CERS6: variants seen among roughly 807,000 people sequenced by gnomAD.
CERS6 encodes ceramide synthase 6, also known as LAG1 homolog, ceramide synthase 6.
A neutral mutation model predicts 56.8 loss-of-function variants in CERS6; 26 were observed. The observed-to-expected ratio is 0.46, with a 90% CI of 0.34 to 0.63. The LOEUF (loss-of-function observed/expected upper bound fraction) is 0.63. Among genes scored for constraint, CERS6 ranks in the 30% least tolerant of loss-of-function variants. The pLI is 0.01. For missense variants in CERS6, 415 were observed against 467.5 expected (o/e 0.89, Z 1.04); for synonymous variants, 164 against 173.3 (o/e 0.95, Z 0.42).
chr2:168,512,019 T>G (rs901844383), intron 1 of CERS6, among the ~76,000 whole-genome samples: 5 of 152,052 alleles, frequency 3.3e-5, no homozygotes, highest in African/African-American at 1.2e-4. Flanking sequence ...GGGATTTGAA[T>G]ACATGCTACA....
chr2:168,488,916 C>G (rs879380879), intron 1 of CERS6, among the ~76,000 whole-genome samples: 1 of 152,146 alleles, frequency 6.6e-6, no homozygotes, highest in Non-Finnish European at 1.5e-5. Flanking sequence ...ACCAGTGTTA[C>G]ACATTTTGCT....
At chr2:168,655,352 C>G (rs1685444038) in intron 4 of CERS6, among the ~76,000 whole-genome samples, 1 of 152,256 alleles carries the variant, frequency 6.6e-6, no homozygotes, top group East Asian at 1.9e-4. Flanking sequence ...TTAAACTTCC[C>G]TATGACACAG....
chr2:168,646,480 C>T (rs1685207208), intron 4 of CERS6, among the ~76,000 whole-genome samples: 1 of 152,128 alleles, frequency 6.6e-6, no homozygotes, highest in Non-Finnish European at 1.5e-5. Flanking sequence ...TTCTCCCATT[C>T]TATAGGTTGT....
chr2:168,767,749 T>C (rs1684759045), intron 9 of CERS6, among the ~76,000 whole-genome samples: 1 of 152,204 alleles, frequency 6.6e-6, no homozygotes, highest in African/African-American at 2.4e-5. Context: ...TCCAGGATTC[T>C]CATGTTAGAG....
chr2:168,669,345 T>C (rs890451174), intron 4 of CERS6, among the ~76,000 whole-genome samples: 13 of 152,224 alleles, frequency 8.5e-5, no homozygotes, highest in Middle Eastern at 3.2e-3. Flanking sequence ...ACAGCCTTTA[T>C]GGACATTCCA....
In CERS6 at chr2:168,682,776, C is replaced by G. The variant is rs1287324742; in HGVS notation, c.466-8258C>G. 6.6e-5 allele frequency among the ~76,000 whole-genome samples: 10 copies of G among 152,248 alleles called. No homozygotes were observed. The East Asian group carries it at 1.9e-3, about 29-fold the overall frequency. On this transcript the variant is annotated intron_variant, in intron 4 of 9. Coordinates refer to ENST00000305747, the MANE Select transcript of CERS6 (RefSeq NM_203463.3). The stretch of plus-strand genomic sequence containing the variant: ...TGCTATGTGGTTCTGCAGGGGCTCC[C>G]CATGCAGTTGCCTGCAGCAGTAACC...
chr2:168,487,803 C>T (rs960296256), intron 1 of CERS6, among the ~76,000 whole-genome samples: 5 of 152,156 alleles, frequency 3.3e-5, no homozygotes, highest in Admixed American at 3.3e-4. Context: ...ATCATCCTGC[C>T]TTAAACTCCT....
intron 8 of CERS6, among the ~76,000 whole-genome samples, chr2:168,738,273 A>G: frequency 6.6e-6 from 1 of 152,234 alleles, no homozygotes; most frequent in East Asian, 1.9e-4. Context: ...TGTGACCAAC[A>G]GGAAGAGGTG....
At chr2:168,583,218 T>C (rs906231756) in intron 3 of CERS6, among the ~76,000 whole-genome samples, 2 of 152,212 alleles carry the variant, frequency 1.3e-5, no homozygotes, top group Admixed American at 6.5e-5. Flanking sequence ...GGTGTAGGAA[T>C]AGATAGTGAT....
intron 1 of CERS6, among the ~76,000 whole-genome samples, chr2:168,483,283 A>ATT (rs199864964): frequency 1.4e-4 from 20 of 146,370 alleles, no homozygotes; most frequent in African/African-American, 4.3e-4. Flanking sequence ...TTACATAGCT[A>ATT]TTTTTTTTTT....
intron 3 of CERS6, among the ~76,000 whole-genome samples, chr2:168,564,469 ATAC>A (rs1358878954): frequency 6.6e-6 from 1 of 152,222 alleles, no homozygotes; most frequent in Non-Finnish European, 1.5e-5. Context: ...TTTTTCTAAA[ATAC>A]TACTATCCCC....
intron 2 of CERS6, among the ~76,000 whole-genome samples, chr2:168,554,618 T>C (rs971257164): frequency 6.6e-6 from 1 of 152,150 alleles, no homozygotes; most frequent in African/African-American, 2.4e-5. Flanking sequence ...ATTCAACACC[T>C]TCATCTGGGA....
At chr2:168,723,282 T>TG (rs1683231198) in intron 8 of CERS6, among the ~76,000 whole-genome samples, 1 of 152,180 alleles carries the variant, frequency 6.6e-6, no homozygotes, top group East Asian at 1.9e-4. Context: ...TTGCACACAG[T>TG]GGCCATTATT....
chr2:168,582,456 A>T (rs947373882), intron 3 of CERS6, among the ~76,000 whole-genome samples: 1 of 152,032 alleles, frequency 6.6e-6, no homozygotes, highest in Non-Finnish European at 1.5e-5. Flanking sequence ...TTTTAAGTTG[A>T]GAAGTTTAGT....
intron 1 of CERS6, among the ~76,000 whole-genome samples, chr2:168,484,939 T>C (rs1430036494): frequency 6.6e-6 from 1 of 152,192 alleles, no homozygotes; most frequent in East Asian, 1.9e-4. Context: ...TGTACCTTCT[T>C]TATGAAAATA....
chr2:168,768,296 C>G (rs193228055), intron 9 of CERS6, among the ~76,000 whole-genome samples: 2 of 151,584 alleles, frequency 1.3e-5, no homozygotes, highest in Non-Finnish European at 2.9e-5. Context: ...ATGGCGCGAT[C>G]TTGGCTCACC....
At chr2:168,758,596 A>T (rs544161415) in intron 8 of CERS6, among the ~76,000 whole-genome samples, 29 of 152,284 alleles carry the variant, frequency 1.9e-4, no homozygotes, top group African/African-American at 7.0e-4. Context: ...CGGTAAGATC[A>T]CCTGGGCCAT....
At chr2:168,477,136 C>G (rs1308974342) in intron 1 of CERS6, among the ~76,000 whole-genome samples, 1 of 148,830 alleles carries the variant, frequency 6.7e-6, no homozygotes, top group Non-Finnish European at 1.5e-5. Context: ...TGTATACTCA[C>G]ATGGTAGAGT....
At chr2:168,534,195 C>T (rs1695217474) in intron 1 of CERS6, among the ~76,000 whole-genome samples, 1 of 151,970 alleles carries the variant, frequency 6.6e-6, no homozygotes, top group Non-Finnish European at 1.5e-5. Flanking sequence ...TTTTTTATTA[C>T]CCGTCTTCTG....
Sources: gnomAD v4.1 joint callset for allele counts (sites outside exome capture counted in the v4.1 genomes callset) on GRCh38, gnomAD v4.1.1 for gene constraint, MANE v1.5 for transcripts, NCBI Gene and HGNC (gene_info 2026-07-23, HGNC 2026-07-21) for gene names.